Variants in ITPR2 observed in about 807,000 individuals in gnomAD.
ITPR2 encodes the protein inositol 1,4,5-trisphosphate-gated calcium channel ITPR2.
A neutral mutation model predicts 317.1 loss-of-function variants in ITPR2; 207 were observed. The observed-to-expected ratio is 0.65, with a 90% CI of 0.58 to 0.73. The LOEUF (loss-of-function observed/expected upper bound fraction) is 0.73. Among genes scored for constraint, ITPR2 ranks in the 30% least tolerant of loss-of-function variants. The pLI, the probability that ITPR2 is intolerant of heterozygous loss-of-function variation, is 0.00. For missense variants in ITPR2, 2,613 were observed against 3,284.0 expected (o/e 0.80, Z 4.99); for synonymous variants, 1,156 against 1,149.1 (o/e 1.01, Z -0.12).
chr12:26,810,241 A>G (rs997378891), intron 1 of ITPR2, among the ~76,000 whole-genome samples: 8 of 152,196 alleles, frequency 5.3e-5, no homozygotes, highest in Non-Finnish European at 1.0e-4. Context: ...TTTTCTTATA[A>G]AGTAATTTTG....
At chr12:26,398,060 GTGT>G (rs1940057122) in intron 54 of ITPR2, among the ~76,000 whole-genome samples, 1 of 76,146 alleles carries the variant, frequency 1.3e-5, no homozygotes, top group Non-Finnish European at 2.9e-5. Flanking sequence ...GGGGAGTGGT[GTGT>G]GTGTGTGTGT....
intron 37 of ITPR2, among the ~76,000 whole-genome samples, chr12:26,543,702 G>C (rs539144674): frequency 6.6e-6 from 1 of 151,950 alleles, no homozygotes; most frequent in African/African-American, 2.4e-5. Context: ...CCAGGAGGTG[G>C]AGATCGCAGT....
At chr12:26,436,434 A>G in intron 47 of ITPR2, 88 bp from the exon 48 acceptor site, 1 of 1,194,078 alleles carries the variant, frequency 8.4e-7, no homozygotes, top group Non-Finnish European at 1.2e-6. Context: ...ATTTTACTAA[A>G]TGCATCATTT....
intron 13 of ITPR2, among the ~76,000 whole-genome samples, chr12:26,678,695 A>G (rs1217536142): frequency 6.6e-6 from 1 of 152,234 alleles, no homozygotes; most frequent in Non-Finnish European, 1.5e-5. Context: ...TTTCTTAGGC[A>G]AAGCCTTCTC....
chr12:26,565,878 AGAGGGGAGGG>A (rs1565607564), intron 34 of ITPR2, among the ~76,000 whole-genome samples: 1 of 33,144 alleles, frequency 3.0e-5, no homozygotes, highest in East Asian at 1.1e-3. Context: ...GGAGGAGAGG[AGAGGGGAGGG>A]GAGGAGAGGA....
At chr12:26,672,228 C>A (rs1033226040) in intron 13 of ITPR2, among the ~76,000 whole-genome samples, 9 of 151,230 alleles carry the variant, frequency 6.0e-5, no homozygotes, top group South Asian at 2.1e-4. Flanking sequence ...ACTCTCCACC[C>A]CAAATCAACA....
intron 45 of ITPR2, among the ~76,000 whole-genome samples, chr12:26,460,811 G>A (rs1315314490): frequency 6.6e-6 from 1 of 152,158 alleles, no homozygotes; most frequent in Non-Finnish European, 1.5e-5. Context: ...CCCAAGTTGT[G>A]TATCAGAAGG....
At chr12:26,754,880 C>T (rs1949492639) in intron 2 of ITPR2, among the ~76,000 whole-genome samples, 1 of 152,060 alleles carries the variant, frequency 6.6e-6, no homozygotes, top group Admixed American at 6.6e-5. Context: ...AAAATTTTAC[C>T]TTATGATCAA....
chr12:26,368,322 A>T (rs558671533), intron 55 of ITPR2, among the ~76,000 whole-genome samples: 1 of 152,344 alleles, frequency 6.6e-6, no homozygotes, highest in South Asian at 2.1e-4. Flanking sequence ...TTTCTAATCT[A>T]GTCTTGTATA....
rs77689320 is a variant in ITPR2, at chr12:26,502,185, A to T, written c.5074-6925T>A. Reference sequence around the variant, plus strand: ...CCAGGAAGCATACTAACTAACATGAAACCCAACAGACCCTTCTACCTCAAC... The same window carrying T: ...CCAGGAAGCATACTAACTAACATGATACCCAACAGACCCTTCTACCTCAAC... On this transcript the variant is annotated intron_variant, in intron 37 of 56. Transcript: ENST00000381340. Among the ~76,000 whole-genome samples, 835 of 152,318 alleles carry T rather than the reference A, an allele frequency of 5.5e-3. 9 individuals are homozygous for T. Among genetic ancestry groups the T allele is most frequent in the African/African-American group, 0.019 (793 of 41,564 alleles).
chr12:26,420,401 T>C (rs1211345854), intron 49 of ITPR2, among the ~76,000 whole-genome samples: 1 of 152,202 alleles, frequency 6.6e-6, no homozygotes, highest in Admixed American at 6.6e-5. Flanking sequence ...GAATGATTTT[T>C]AAATAACATA....
chr12:26,495,975 C>T (rs1942922511), intron 37 of ITPR2, among the ~76,000 whole-genome samples: 1 of 152,204 alleles, frequency 6.6e-6, no homozygotes, highest in Admixed American at 6.5e-5. Context: ...TAATCCAAAA[C>T]TTCCTAAGTC....
chr12:26,581,221 A>G (rs186262953), intron 32 of ITPR2, among the ~76,000 whole-genome samples: 1 of 152,330 alleles, frequency 6.6e-6, no homozygotes, highest in East Asian at 1.9e-4. Flanking sequence ...TTCATAAAAG[A>G]GAACATTTTC....
At chr12:26,503,696 A>C (rs1943124129) in intron 37 of ITPR2, among the ~76,000 whole-genome samples, 1 of 152,230 alleles carries the variant, frequency 6.6e-6, no homozygotes, top group South Asian at 2.1e-4. Flanking sequence ...GGATAATAAT[A>C]TTTACACTGC....
At chr12:26,667,242 G>A (rs539109458) in intron 13 of ITPR2, among the ~76,000 whole-genome samples, 1 of 152,172 alleles carries the variant, frequency 6.6e-6, no homozygotes, top group African/African-American at 2.4e-5. Context: ...AATACCTTTG[G>A]TAAGAAAACA....
rs1290710718 is a variant in ITPR2, at chr12:26,747,566, A to G, written c.164-21801T>C. 2.6e-5 allele frequency among the ~76,000 whole-genome samples: 4 copies of G among 152,202 alleles called. No homozygotes were observed. In the East Asian group the frequency reaches 7.7e-4, roughly 29 times the overall value. On this transcript the variant is annotated intron_variant, in intron 2 of 56. Transcript: ENST00000381340. Reference sequence around the variant, plus strand: ...TATAAAACTTTATCTAATCAAATCCATAAGGTCTTTCCTATATGTCTCTTG... The same window carrying G: ...TATAAAACTTTATCTAATCAAATCCGTAAGGTCTTTCCTATATGTCTCTTG...
At chr12:26,430,203 A>T (rs1486860227) in intron 48 of ITPR2, among the ~76,000 whole-genome samples, 1 of 152,232 alleles carries the variant, frequency 6.6e-6, no homozygotes, top group African/African-American at 2.4e-5. Flanking sequence ...GAATGATCAT[A>T]TTGGTTTCTA....
intron 9 of ITPR2, among the ~76,000 whole-genome samples, chr12:26,696,115 G>A (rs1393275208): frequency 6.6e-6 from 1 of 152,170 alleles, no homozygotes; most frequent in African/African-American, 2.4e-5. Flanking sequence ...AGATATGTGA[G>A]CAAATACATG....
chr12:26,357,448 C>T (rs1938675335), intron 55 of ITPR2, among the ~76,000 whole-genome samples: 1 of 152,190 alleles, frequency 6.6e-6, no homozygotes, highest in South Asian at 2.1e-4. Flanking sequence ...CCCTCTCAGA[C>T]CTCACCCCTT....
Sources: allele counts gnomAD v4.1 joint callset (sites outside exome capture counted in the v4.1 genomes callset), GRCh38; gene constraint gnomAD v4.1.1; transcripts MANE v1.5; gene names NCBI Gene and HGNC (gene_info 2026-07-23, HGNC 2026-07-21).